Variants in CNBD1 observed in about 807,000 individuals in gnomAD.
The protein encoded by CNBD1 is cyclic nucleotide-binding domain-containing protein 1.
Under a neutral mutation model 54.4 loss-of-function variants are expected in CNBD1, and 71 were observed. The observed-to-expected ratio is 1.30, with a 90% CI of 1.08 to 1.59. The LOEUF is 1.59. CNBD1 is among the 40% of genes most tolerant of loss of function. The pLI, the probability that CNBD1 is intolerant of heterozygous loss-of-function variation, is 0.00. For synonymous variants in CNBD1, 182 were observed against 170.7 expected (o/e 1.07, Z -0.51); for missense variants, 659 against 518.0 (o/e 1.27, Z -2.64).
At chr8:87,361,737 G>A (rs539607220) in intron 10 of CNBD1, among the ~76,000 whole-genome samples, 2 of 147,058 alleles carry the variant, frequency 1.4e-5, no homozygotes, top group African/African-American at 5.1e-5. Context: ...AAAATCTTTG[G>A]CTAATATGTC....
chr8:86,959,462 T>C (rs371927403), intron 4 of CNBD1, among the ~76,000 whole-genome samples: 46 of 152,320 alleles, frequency 3.0e-4, no homozygotes, highest in African/African-American at 1.1e-3. Context: ...TTGGTTCCAT[T>C]CTCCCCGTCA....
chr8:87,332,566 A>T (rs1214069937), intron 8 of CNBD1, among the ~76,000 whole-genome samples: 1 of 152,194 alleles, frequency 6.6e-6, no homozygotes, highest in African/African-American at 2.4e-5. Flanking sequence ...ATAAGGTTTA[A>T]GGAAGGGATC....
chr8:87,204,874 G>C (rs1813937168), intron 4 of CNBD1, among the ~76,000 whole-genome samples: 1 of 151,930 alleles, frequency 6.6e-6, no homozygotes, highest in Non-Finnish European at 1.5e-5. Flanking sequence ...TGCATCTGAA[G>C]AACAAATTTG....
chr8:87,090,221 A>G (rs1356815258), intron 4 of CNBD1, among the ~76,000 whole-genome samples: 1 of 152,176 alleles, frequency 6.6e-6, no homozygotes, highest in Non-Finnish European at 1.5e-5. Flanking sequence ...ATGCAGGACA[A>G]TACACGTTTT....
intron 7 of CNBD1, among the ~76,000 whole-genome samples, chr8:87,285,697 C>G (rs531713724): frequency 1.3e-5 from 2 of 152,206 alleles, no homozygotes; most frequent in South Asian, 4.2e-4. Flanking sequence ...ATGGAGAAAC[C>G]CTGTCTCTAC....
chr8:86,937,733 C>A (rs370259929), intron 3 of CNBD1, among the ~76,000 whole-genome samples: 1 of 101,560 alleles, frequency 9.8e-6, no homozygotes, highest in Non-Finnish European at 2.2e-5. Context: ...CCCATGAAAC[C>A]ATTTTTTCCT....
intron 6 of CNBD1, among the ~76,000 whole-genome samples, chr8:87,254,268 G>T (rs1807965504): frequency 6.6e-6 from 1 of 152,074 alleles, no homozygotes; most frequent in Admixed American, 6.6e-5. Context: ...GCAGTAAGAG[G>T]AACTGAGAAA....
chr8:86,907,600 G>A (rs1003040651), intron 3 of CNBD1, among the ~76,000 whole-genome samples: 14 of 151,778 alleles, frequency 9.2e-5, no homozygotes, highest in Non-Finnish European at 1.3e-4. Flanking sequence ...CCCAGGAGGC[G>A]GAGGTTGCAG....
At chr8:86,961,125 T>G (rs553475253) in intron 4 of CNBD1, among the ~76,000 whole-genome samples, 68 of 152,314 alleles carry the variant, frequency 4.5e-4, no homozygotes, top group African/African-American at 1.6e-3. Context: ...TTATAACATA[T>G]GACAGTAAGT....
At chr8:87,152,145 T>A (rs1406312531) in intron 4 of CNBD1, among the ~76,000 whole-genome samples, 1 of 151,700 alleles carries the variant, frequency 6.6e-6, no homozygotes, top group East Asian at 1.9e-4. Flanking sequence ...TTGAAAAAAA[T>A]TAAAAAAACC....
At position 87,197,506 on chromosome 8, in the gene CNBD1, G is replaced by A. The variant is rs544833065; in HGVS notation, c.432-8487G>A. On this transcript the variant is annotated intron_variant, in intron 4 of 10. Transcript: ENST00000518476. ...AAGCCTTAAGACCAGGGCCAAATAA[G>A]TTAATACAAACAAGGGAGAAAGGTG... Among the ~76,000 whole-genome samples the A allele has an allele frequency of 1.1e-4, 17 of 152,208 alleles. No homozygotes were observed. The East Asian group carries it at 3.3e-3, about 29-fold the overall frequency.
At chr8:87,357,391 C>T (rs546069454) in intron 10 of CNBD1, among the ~76,000 whole-genome samples, 25 of 152,308 alleles carry the variant, frequency 1.6e-4, no homozygotes, top group Non-Finnish European at 2.4e-4. Context: ...TCCAGCAAAG[C>T]TGCAAGGGTG....
intron 4 of CNBD1, among the ~76,000 whole-genome samples, chr8:87,151,163 C>T (rs145054584): frequency 0.013 from 1,985 of 152,196 alleles, 22 homozygotes; most frequent in Middle Eastern, 0.027. Flanking sequence ...TATGTTTTCC[C>T]CAATACACCA....
chr8:87,073,497 A>T (rs1300379776), intron 4 of CNBD1, among the ~76,000 whole-genome samples: 1 of 152,008 alleles, frequency 6.6e-6, no homozygotes, highest in East Asian at 1.9e-4. Flanking sequence ...GGTCTTTGTT[A>T]TGGATGTTGT....
chr8:87,315,411 C>T (rs1465158340), intron 8 of CNBD1, among the ~76,000 whole-genome samples: 4 of 151,562 alleles, frequency 2.6e-5, no homozygotes, highest in African/African-American at 4.8e-5. Context: ...CATGGTTCTG[C>T]AGGCCATACA....
chr8:86,913,973 T>C (rs931276280), intron 3 of CNBD1, among the ~76,000 whole-genome samples: 1 of 152,100 alleles, frequency 6.6e-6, no homozygotes, highest in African/African-American at 2.4e-5. Flanking sequence ...TTCAGTGATA[T>C]TTCTCTTACC....
At chr8:86,941,454 C>A (rs768946076) in intron 4 of CNBD1, among the ~76,000 whole-genome samples, 1 of 152,106 alleles carries the variant, frequency 6.6e-6, no homozygotes, top group Admixed American at 6.5e-5. Context: ...TTCCAGAAAC[C>A]CATGAATCAC....
intron 4 of CNBD1, among the ~76,000 whole-genome samples, chr8:87,067,787 C>T (rs1487880611): frequency 2.0e-5 from 3 of 151,800 alleles, no homozygotes; most frequent in Admixed American, 2.0e-4. Context: ...CGATTGATCT[C>T]CATTAACGTA....
At chr8:87,031,891 C>A (rs759142645) in intron 4 of CNBD1, among the ~76,000 whole-genome samples, 1 of 152,122 alleles carries the variant, frequency 6.6e-6, no homozygotes, top group Non-Finnish European at 1.5e-5. Context: ...CAGGCATGCA[C>A]CACCACACCC....
Sources: allele counts gnomAD v4.1 joint callset (sites outside exome capture counted in the v4.1 genomes callset), GRCh38; gene constraint gnomAD v4.1.1; transcripts MANE v1.5; gene names NCBI Gene and HGNC (gene_info 2026-07-23, HGNC 2026-07-21).